Variants in VAT1L observed in about 807,000 individuals in gnomAD.
VAT1L encodes vesicle amine transport 1 like, also known as putative NADPH-dependent quinone oxidoreductase VAT1L.
VAT1L carries 34 observed loss-of-function variants against 44.1 expected under a neutral mutation model. The observed-to-expected ratio is 0.77, with a 90% confidence interval of 0.59 to 1.03. The LOEUF (loss-of-function observed/expected upper bound fraction) is 1.03. Among genes scored for constraint, VAT1L ranks in the 50% least tolerant of loss-of-function variants. VAT1L has a pLI of 0.00. For missense variants in VAT1L, 615 were observed against 538.8 expected (o/e 1.14, Z -1.40); for synonymous variants, 253 against 202.2 (o/e 1.25, Z -2.13).
intron 7 of VAT1L, among the ~76,000 whole-genome samples, chr16:77,957,819 C>T (rs1455174822): frequency 2.7e-5 from 4 of 150,644 alleles, no homozygotes; most frequent in Non-Finnish European, 5.9e-5. Flanking sequence ...ATAGTTCTAC[C>T]ATTCTCGTGT....
chr16:77,895,967 G>T (rs1226965504), intron 7 of VAT1L, among the ~76,000 whole-genome samples: 2 of 152,196 alleles, frequency 1.3e-5, no homozygotes, highest in African/African-American at 4.8e-5. Flanking sequence ...CACAGCCTGG[G>T]CAAAGGCCTG....
chr16:77,848,387 G>A (rs1476580394), intron 3 of VAT1L, among the ~76,000 whole-genome samples: 3 of 152,302 alleles, frequency 2.0e-5, no homozygotes, highest in Non-Finnish European at 4.4e-5. Flanking sequence ...CTCCAGAGCT[G>A]TGTTTTCAAT....
At chr16:77,918,535 G>A (rs1003306885) in intron 7 of VAT1L, among the ~76,000 whole-genome samples, 1 of 151,930 alleles carries the variant, frequency 6.6e-6, no homozygotes, top group African/African-American at 2.4e-5. Flanking sequence ...CTCAACCCTT[G>A]CTCTCCTCAT....
At chr16:77,930,579 G>A (rs760064634) in intron 7 of VAT1L, among the ~76,000 whole-genome samples, 36 of 152,204 alleles carry the variant, frequency 2.4e-4, no homozygotes, top group Non-Finnish European at 4.4e-4. Context: ...CCCGTGCCCC[G>A]CTTATATCTC....
intron 7 of VAT1L, among the ~76,000 whole-genome samples, chr16:77,936,036 A>C (rs540902570): frequency 6.6e-6 from 1 of 152,202 alleles, no homozygotes; most frequent in East Asian, 1.9e-4. Flanking sequence ...TCAGTGATAC[A>C]TACCTGGGGA....
At chr16:77,839,878 G>C in intron 3 of VAT1L, among the ~76,000 whole-genome samples, 1 of 152,200 alleles carries the variant, frequency 6.6e-6, no homozygotes, top group East Asian at 1.9e-4. Context: ...TTTAAAGAAT[G>C]TATTGATCTT....
At position 77,979,478 on chromosome 16, in the gene VAT1L, G is replaced by A. The variant is rs903860277; in HGVS notation, c.*1783G>A. The A allele has an allele frequency of 1.1e-4, 17 of 152,114 alleles. No individual in the cohort carries two copies. Among genetic ancestry groups the A allele is most frequent in the African/African-American group, 3.9e-4 (16 of 41,422 alleles). 9.4% of individuals were successfully genotyped at this position (152,114 alleles called of 1,614,324 possible). Reference sequence around the variant, plus strand: ...GTTTCTCCCGTAACCATGCTGAAAAGGGGGTCTTAGGGAGAACTGTCATCC... The same window carrying A: ...GTTTCTCCCGTAACCATGCTGAAAAAGGGGTCTTAGGGAGAACTGTCATCC... On this transcript the variant is annotated 3_prime_UTR_variant, in exon 9 of 9. Transcript: ENST00000302536.
intron 5 of VAT1L, among the ~76,000 whole-genome samples, chr16:77,877,282 G>C (rs1047367810): frequency 2.0e-5 from 3 of 151,952 alleles, no homozygotes; most frequent in African/African-American, 7.2e-5. Flanking sequence ...AGGCCGAGGC[G>C]GGCGGATCAT....
At chr16:77,926,012 T>C (rs2435079) in intron 7 of VAT1L, among the ~76,000 whole-genome samples, 40,148 of 151,572 alleles carry the variant, frequency 0.26, 5,668 homozygotes, top group Admixed American at 0.39. Flanking sequence ...CCTGTAATCC[T>C]AGCACTTTGG....
intron 7 of VAT1L, among the ~76,000 whole-genome samples, chr16:77,945,813 T>C (rs2017954865): frequency 1.4e-5 from 2 of 143,188 alleles, no homozygotes; most frequent in Admixed American, 7.1e-5. Context: ...TTTTTTTTTC[T>C]TTTTTTTGAG....
At chr16:77,953,044 C>T (rs756809482) in intron 7 of VAT1L, among the ~76,000 whole-genome samples, 1 of 151,854 alleles carries the variant, frequency 6.6e-6, no homozygotes, top group African/African-American at 2.4e-5. Context: ...CTTAATCCAA[C>T]ATGGTGTACT....
chr16:77,897,944 G>A (rs1077447), intron 7 of VAT1L, among the ~76,000 whole-genome samples: 1 of 152,030 alleles, frequency 6.6e-6, no homozygotes, highest in Non-Finnish European at 1.5e-5. Flanking sequence ...CAAGCCAAGG[G>A]GCTTACACAA....
chr16:77,805,136 A>C (rs1224453207), intron 1 of VAT1L, among the ~76,000 whole-genome samples: 2 of 152,096 alleles, frequency 1.3e-5, no homozygotes, highest in African/African-American at 4.8e-5. Context: ...ACACAGGTGG[A>C]TTCTTCAGGT....
At chr16:77,863,124 T>C (rs1488277520) in intron 4 of VAT1L, among the ~76,000 whole-genome samples, 1 of 152,230 alleles carries the variant, frequency 6.6e-6, no homozygotes, top group East Asian at 1.9e-4. Flanking sequence ...TGTATTAAAG[T>C]TACGCTAGCT....
chr16:77,841,448 C>T (rs1273294459), intron 3 of VAT1L, among the ~76,000 whole-genome samples: 1 of 152,198 alleles, frequency 6.6e-6, no homozygotes, highest in Non-Finnish European at 1.5e-5. Context: ...GCAGGAATGC[C>T]TGGGTGTATT....
At chr16:77,935,685 G>C (rs377727581) in intron 7 of VAT1L, among the ~76,000 whole-genome samples, 1 of 152,042 alleles carries the variant, frequency 6.6e-6, no homozygotes, top group African/African-American at 2.4e-5. Flanking sequence ...TGGTTGGATC[G>C]TGTCTGCAGT....
chr16:77,880,499 C>T (rs1188522702), intron 6 of VAT1L, among the ~76,000 whole-genome samples: 1 of 151,460 alleles, frequency 6.6e-6, no homozygotes, highest in South Asian at 2.1e-4. Flanking sequence ...ACCCCTTCCC[C>T]AGCCCAAATT....
chr16:77,908,846 G>A (rs947721025), intron 7 of VAT1L, among the ~76,000 whole-genome samples: 13 of 151,802 alleles, frequency 8.6e-5, no homozygotes, highest in South Asian at 2.1e-4. Context: ...CCCGGGAGGC[G>A]GAGCTTGCAG....
At chr16:77,934,492 C>A (rs2017769172) in intron 7 of VAT1L, among the ~76,000 whole-genome samples, 1 of 152,162 alleles carries the variant, frequency 6.6e-6, no homozygotes, top group African/African-American at 2.4e-5. Flanking sequence ...TCCCTAGAGC[C>A]TCCAGAAGGA....
Sources: gnomAD v4.1 joint callset for allele counts (sites outside exome capture counted in the v4.1 genomes callset) on GRCh38, gnomAD v4.1.1 for gene constraint, MANE v1.5 for transcripts, NCBI Gene and HGNC (gene_info 2026-07-23, HGNC 2026-07-21) for gene names.